SMARCA4: variants seen among roughly 807,000 people sequenced by gnomAD.
SMARCA4 encodes the protein SWI/SNF related BAF chromatin remodeling complex subunit ATPase 4.
Under a neutral mutation model 193.9 loss-of-function variants are expected in SMARCA4, and 31 were observed. The observed-to-expected ratio is 0.16, with a 90% confidence interval of 0.12 to 0.22. The LOEUF (loss-of-function observed/expected upper bound fraction) is 0.22. Among genes scored for constraint, SMARCA4 ranks in the 10% least tolerant of loss-of-function variants. The pLI, the probability that SMARCA4 is intolerant of heterozygous loss-of-function variation, is 1.00. For missense variants in SMARCA4, 1,148 were observed against 2,296.0 expected (o/e 0.50, Z 10.22); for synonymous variants, 942 against 933.1 (o/e 1.01, Z -0.17).
intron 29 of SMARCA4, 117 bp downstream of exon 29, chr19:11,035,249 C>A: frequency 1.0e-6 from 1 of 954,838 alleles, no homozygotes. Flanking sequence ...TTGGGCCACT[C>A]CTGGCCAGGC....
At chr19:11,021,288 T>G (rs918668222) in intron 18 of SMARCA4, 63 of 347,144 alleles carry the variant, frequency 1.8e-4, no homozygotes, top group African/African-American at 1.3e-3. Context: ...GGGCCCACAT[T>G]CTGAACCACA....
intron 29 of SMARCA4, among the ~76,000 whole-genome samples, chr19:11,039,203 A>G (rs2146771006): frequency 6.6e-6 from 1 of 152,262 alleles, no homozygotes; most frequent in Middle Eastern, 3.4e-3. Context: ...AAAATACAAA[A>G]ATTAGCCAGG....
In SMARCA4 at chr19:11,019,041, A is replaced by C. The variant is rs746613865; in HGVS notation, c.2505+18A>C. 4 of 1,605,252 alleles carry C rather than the reference A, an allele frequency of 2.5e-6. No homozygotes were observed. Among genetic ancestry groups the C allele is most frequent in the Non-Finnish European group, 3.4e-6 (4 of 1,171,902 alleles). On this transcript the variant is annotated intron_variant, in intron 17 of 34. Transcript: ENST00000344626. This position sits in a 1 kb window ranked among gnomAD's most constrained non-coding sequence, Gnocchi z 6.1. ...CTTACAAGGTAGGTCACAGCCACTGAGGTTTCCTCTCTTGCTACGGAGGTG... is the reference window on the plus strand; with the variant it reads ...CTTACAAGGTAGGTCACAGCCACTGCGGTTTCCTCTCTTGCTACGGAGGTG...
At position 11,030,718 on chromosome 19, in the gene SMARCA4, T is replaced by C. The variant is rs375221718; in HGVS notation, c.3383-12T>C. 8 of 1,609,862 alleles carry C rather than the reference T, an allele frequency of 5.0e-6. No homozygotes were observed. In the African/African-American group the frequency reaches 9.3e-5, roughly 19 times the overall value. ...TCACCCCGCTGACCCTGTTCTCCTC[T>C]GTGCCCGTCAGGAACCACGAAGGCG... On this transcript the variant is annotated splice_polypyrimidine_tract_variant and intron_variant, in intron 24 of 34. Coordinates refer to ENST00000344626, the MANE Select transcript of SMARCA4 (RefSeq NM_003072.5). The surrounding 1 kb of genome is among the most constrained non-coding windows in gnomAD (Gnocchi z 5.5).
At chr19:10,997,886 G>C (rs1327095601) in intron 11 of SMARCA4, among the ~76,000 whole-genome samples, 1 of 152,176 alleles carries the variant, frequency 6.6e-6, no homozygotes, top group Non-Finnish European at 1.5e-5. Context: ...ACTGTACCGA[G>C]GTGACGGACA....
At chr19:11,020,963 C>T (rs2089814540) in intron 18 of SMARCA4, 1 of 154,934 alleles carries the variant, frequency 6.5e-6, no homozygotes, top group Non-Finnish European at 1.4e-5. Flanking sequence ...CTGCCTCAGC[C>T]TTCCGAGGAC....
At chr19:11,029,939 G>A (rs1669618132) in intron 24 of SMARCA4, among the ~76,000 whole-genome samples, 1 of 152,138 alleles carries the variant, frequency 6.6e-6, no homozygotes, top group African/African-American at 2.4e-5. Flanking sequence ...GCCTCCCAAA[G>A]TGTTGGGATT....
At chr19:10,972,059 G>A (rs1246666812) in intron 1 of SMARCA4, among the ~76,000 whole-genome samples, 1 of 151,494 alleles carries the variant, frequency 6.6e-6, no homozygotes, top group Admixed American at 6.6e-5. Flanking sequence ...GGGTTCAAGC[G>A]ATTCTCCTGT....
intron 7 of SMARCA4, among the ~76,000 whole-genome samples, chr19:10,990,563 C>A (rs564544732): frequency 2.0e-5 from 3 of 152,278 alleles, no homozygotes; most frequent in East Asian, 3.9e-4. Flanking sequence ...CAGGCATGAG[C>A]CACCACGCAG....
rs775427373 is a variant in SMARCA4, at chr19:11,021,898, C to A, written c.2790C>A (p.Pro930=). 1 of 1,613,698 alleles carries A rather than the reference C, an allele frequency of 6.2e-7. No individual in the cohort carries two copies. Among genetic ancestry groups the A allele is most frequent in the Non-Finnish European group, 8.5e-7 (1 of 1,180,044 alleles). ...GGGCGCTGCTCAACTTCCTGCTGCC[C>A]ACCATCTTCAAGAGCTGCAGCACCT... ...ELWALLNFLL[P]TIFKSCSTFE... The change falls in exon 19 of 35, where the codon CCC becomes CCA. Residue 930 remains proline, a synonymous_variant. Coordinates refer to ENST00000344626, the MANE Select transcript of SMARCA4 (RefSeq NM_003072.5).
chr19:10,986,840 C>CGGGGCTGGGCGCAGGCAT lies in SMARCA4; in HGVS notation c.761-64_761-47dup. The CGGGGCTGGGCGCAGGCAT allele has an allele frequency of 7.0e-7, 1 of 1,422,350 alleles. No individual in the cohort carries two copies. Among genetic ancestry groups the CGGGGCTGGGCGCAGGCAT allele is most frequent in the East Asian group, 2.3e-5 (1 of 43,976 alleles). 88.1% of individuals were successfully genotyped at this position (1,422,350 alleles called of 1,614,324 possible). ...TGTCCCCTGGAGCCAGGGCTGCCCA[C>CGGGGCTGGGCGCAGGCAT]GGGGCTGGGCGCAGGCATAAACCTG... On this transcript the variant is annotated intron_variant, in intron 4 of 34. Coordinates refer to ENST00000344626, the MANE Select transcript of SMARCA4 (RefSeq NM_003072.5). The surrounding 1 kb of genome is among the most constrained non-coding windows in gnomAD (Gnocchi z 6.7).
At position 11,061,761 on chromosome 19, in the gene SMARCA4, C is replaced by G. The variant is rs758318616; in HGVS notation, c.4912-23C>G. ...CTGGCAGGGGTGGCCAACGCACACTCTCTCCTCCTGTCCCCTCTCCAGGAC... is the reference window on the plus strand; with the variant it reads ...CTGGCAGGGGTGGCCAACGCACACTGTCTCCTCCTGTCCCCTCTCCAGGAC... On this transcript the variant is annotated intron_variant, in intron 34 of 34. Coordinates refer to ENST00000344626, the MANE Select transcript of SMARCA4 (RefSeq NM_003072.5). The G allele has an allele frequency of 1.7e-5, 28 of 1,612,796 alleles. 1 individual carries two copies. The East Asian group carries it at 6.0e-4, about 35-fold the overall frequency.
At position 11,030,572 on chromosome 19, in the gene SMARCA4, A is replaced by G. The variant is rs1011230878; in HGVS notation, c.3383-158A>G. ...AACACTGGAAATCCAGTTATTCGCC[A>G]GTGGCCCACAGGCCCGTGTGGAGAG... On this transcript the variant is annotated intron_variant, in intron 24 of 34. Coordinates refer to ENST00000344626, the MANE Select transcript of SMARCA4 (RefSeq NM_003072.5). This position sits in a 1 kb window ranked among gnomAD's most constrained non-coding sequence, Gnocchi z 5.5. Among the ~76,000 whole-genome samples, 1 of 152,248 alleles carries G rather than the reference A, an allele frequency of 6.6e-6. No individual in the cohort carries two copies. The highest frequency in any genetic ancestry group is 2.4e-5 in the African/African-American group (1 of 41,474).
At chr19:11,006,311 C>A (rs2088195127) in intron 13 of SMARCA4, among the ~76,000 whole-genome samples, 5 of 152,240 alleles carry the variant, frequency 3.3e-5, no homozygotes. Context: ...AATGATGCAA[C>A]ATGAATGATT....
At chr19:10,972,770 C>T (rs960287685) in intron 1 of SMARCA4, among the ~76,000 whole-genome samples, 2 of 152,134 alleles carry the variant, frequency 1.3e-5, no homozygotes, top group Admixed American at 6.6e-5. Flanking sequence ...ACAGCAGACC[C>T]GGTGGTGGCG....
At chr19:11,044,865 G>A (rs1024757567) in intron 30 of SMARCA4, among the ~76,000 whole-genome samples, 1 of 152,194 alleles carries the variant, frequency 6.6e-6, no homozygotes, top group Admixed American at 6.5e-5. Context: ...AGCCACTTTG[G>A]TCATAATCTC....
chr19:10,986,944 GCGTGCCCCC>G lies in SMARCA4; in HGVS notation c.803_811del (p.Val268_Pro270del), dbSNP rs1555754225. On this transcript the variant is annotated inframe_deletion, in exon 5 of 35. Transcript: ENST00000344626. The surrounding 1 kb of genome is among the most constrained non-coding windows in gnomAD (Gnocchi z 6.7). The stretch of plus-strand genomic sequence containing the variant: ...AACATGCCTCCCCCAGGACCCTCGG[GCGTGCCCCC>G]CGGGATGCCAGGCCAGCCTCCTGGA... 5.6e-6 allele frequency: 9 copies of G among 1,611,856 alleles called. No homozygotes were observed. Among genetic ancestry groups the G allele is most frequent in the Non-Finnish European group, 7.6e-6 (9 of 1,179,958 alleles).
intron 1 of SMARCA4, among the ~76,000 whole-genome samples, chr19:10,966,669 T>A (rs192408914): frequency 2.9e-4 from 44 of 151,668 alleles, no homozygotes; most frequent in Admixed American, 2.8e-3. Flanking sequence ...GCGGATCGCC[T>A]GAGCTCAGGA....
chr19:11,024,041 G>A (rs2090068640), intron 20 of SMARCA4, among the ~76,000 whole-genome samples: 1 of 152,216 alleles, frequency 6.6e-6, no homozygotes, highest in Non-Finnish European at 1.5e-5. Context: ...CCCGGCTGCA[G>A]TTGTCCCTCT....
Sources: gnomAD v4.1 joint callset for allele counts (sites outside exome capture counted in the v4.1 genomes callset) on GRCh38, gnomAD v4.1.1 for gene constraint, Gnocchi (gnomAD v3.1) non-coding constraint, MANE v1.5 for transcripts, NCBI Gene and HGNC (gene_info 2026-07-23, HGNC 2026-07-21) for gene names.